NBEA: variants seen among roughly 807,000 people sequenced by gnomAD.
The protein encoded by NBEA is neurobeachin.
NBEA carries 44 observed loss-of-function variants against 343.4 expected under a neutral mutation model. The ratio of observed to expected loss-of-function variants is 0.13; its 90% CI spans 0.10 to 0.16. The LOEUF is 0.16. Ranked by LOEUF, NBEA falls within the 10% of genes least tolerant of loss-of-function variation. NBEA has a pLI of 1.00. For missense variants in NBEA, 2,555 were observed against 3,631.3 expected, an observed-to-expected ratio of 0.70 and a Z score of 7.62; for synonymous variants, 1,175 against 1,238.7, an observed-to-expected ratio of 0.95 and a Z score of 1.08.
At chr13:35,011,675 A>G (rs2061497705) in intron 1 of NBEA, among the ~76,000 whole-genome samples, 1 of 152,194 alleles carries the variant, frequency 6.6e-6, no homozygotes, top group African/African-American at 2.4e-5. Flanking sequence ...TCACATTTGA[A>G]CTACATAATG....
chr13:35,307,875 T>C (rs1046425833), intron 35 of NBEA, among the ~76,000 whole-genome samples: 3 of 152,078 alleles, frequency 2.0e-5, no homozygotes, highest in African/African-American at 7.2e-5. Flanking sequence ...AAATTTTCTG[T>C]AATTGTTTTA....
chr13:35,156,336 G>C (rs1325486350), intron 20 of NBEA, 130 bp downstream of exon 20: 2 of 879,580 alleles, frequency 2.3e-6, no homozygotes, highest in East Asian at 6.5e-5. Context: ...GGCATTTTAT[G>C]TTTCTTTGAC....
rs1461445782 is a variant in NBEA, at chr13:35,177,075, G to A, written c.4634G>A (p.Arg1545His). ...CTTCTTCAGGATGTTGATATCAATCGCCTTCGTGCTGTTGTCTTTCGGGAT... is the reference window on the plus strand; with the variant it reads ...CTTCTTCAGGATGTTGATATCAATCACCTTCGTGCTGTTGTCTTTCGGGAT... ...DRLLQDVDIN[R>H]LRAVVFRDVD... is the part of the protein sequence containing the mutation. Residue 1545 changes from arginine to histidine, a missense_variant, in exon 28 of 59, where the codon CGC becomes CAC. Arg to His is a conservative substitution (Grantham distance 29). Transcript: ENST00000379939. The A allele has an allele frequency of 5.6e-6, 9 of 1,602,150 alleles. No homozygotes were observed. Among genetic ancestry groups the A allele is most frequent in the East Asian group, 2.3e-5 (1 of 44,348 alleles).
intron 13 of NBEA, among the ~76,000 whole-genome samples, chr13:35,111,519 A>G (rs367968517): frequency 6.6e-6 from 1 of 152,012 alleles, no homozygotes; most frequent in South Asian, 2.1e-4. Flanking sequence ...TGATTTTGGC[A>G]TGTTTTCTTC....
At chr13:35,440,719 T>G (rs546951683) in intron 39 of NBEA, among the ~76,000 whole-genome samples, 1 of 152,302 alleles carries the variant, frequency 6.6e-6, no homozygotes, top group Admixed American at 6.5e-5. Context: ...AATTTTTATT[T>G]GGAAAATGAC....
At chr13:35,522,845 AC>A (rs1025431226) in intron 41 of NBEA, among the ~76,000 whole-genome samples, 1 of 132,968 alleles carries the variant, frequency 7.5e-6, no homozygotes, top group Non-Finnish European at 1.6e-5. Flanking sequence ...AGACCACCCC[AC>A]CCCCTCACCC....
In NBEA at chr13:35,452,159, A is replaced by G. The variant is rs575390024; in HGVS notation, c.6372A>G (p.Ala2124=). ...GTCAAGCAATAGTGAACCAAAATGC[A>G]GAGACAGAACTTATGCTGGAAGGAG... ...FRSQAIVNQN[A]ETELMLEGDD... is the part of the protein sequence containing the mutation. The change falls in exon 40 of 59, where the codon GCA becomes GCG. Residue 2124 remains alanine (A), a synonymous_variant. Coordinates refer to ENST00000379939, the MANE Select transcript of NBEA (RefSeq NM_001385012.1). The G allele has an allele frequency of 2.1e-5, 34 of 1,610,556 alleles. No homozygotes were observed. Among genetic ancestry groups the G allele is most frequent in the Non-Finnish European group, 2.9e-5 (34 of 1,177,928 alleles).
At chr13:35,293,173 G>A (rs1199112237) in intron 35 of NBEA, among the ~76,000 whole-genome samples, 1 of 151,864 alleles carries the variant, frequency 6.6e-6, no homozygotes, top group Admixed American at 6.6e-5. Context: ...GTGTCTGAAG[G>A]TACTTGTCAA....
chr13:34,992,897 A>G (rs1486394092), intron 1 of NBEA, among the ~76,000 whole-genome samples: 1 of 147,946 alleles, frequency 6.8e-6, no homozygotes, highest in East Asian at 2.0e-4. Flanking sequence ...ATTAGCCAGG[A>G]TGGTCTCGGT....
At chr13:35,168,877 TA>T in intron 24 of NBEA, 109 bp from the exon 25 acceptor site, 1 of 702,764 alleles carries the variant, frequency 1.4e-6, no homozygotes, top group Non-Finnish European at 2.0e-6. Flanking sequence ...ATATAATTTT[TA>T]AATATATTAT....
chr13:35,435,558 G>T (rs754348636), intron 39 of NBEA, among the ~76,000 whole-genome samples: 99 of 151,840 alleles, frequency 6.5e-4, no homozygotes, highest in Admixed American at 1.5e-3. Context: ...GGGTGGGGGG[G>T]GCGTGTAGAT....
At chr13:35,320,904 C>G (rs1017649660) in intron 36 of NBEA, among the ~76,000 whole-genome samples, 4 of 151,950 alleles carry the variant, frequency 2.6e-5, no homozygotes, top group Non-Finnish European at 5.9e-5. Context: ...CTTGTGTATG[C>G]TTCATGAAGT....
intron 38 of NBEA, among the ~76,000 whole-genome samples, chr13:35,355,644 CTTTG>C (rs1566020416): frequency 6.6e-6 from 1 of 152,008 alleles, no homozygotes; most frequent in African/African-American, 2.4e-5. Flanking sequence ...ATGGTTTAGT[CTTTG>C]TTTGTTAACT....
intron 38 of NBEA, among the ~76,000 whole-genome samples, chr13:35,399,082 C>A (rs2042879598): frequency 6.6e-6 from 1 of 152,110 alleles, no homozygotes; most frequent in Admixed American, 6.6e-5. Context: ...GAGATGGCTT[C>A]TTTCTTTAAA....
At chr13:35,587,079 ACATT>A (rs2081324544) in intron 46 of NBEA, among the ~76,000 whole-genome samples, 1 of 152,200 alleles carries the variant, frequency 6.6e-6, no homozygotes. Flanking sequence ...AACCAAAACT[ACATT>A]CTCAATCATT....
intron 34 of NBEA, among the ~76,000 whole-genome samples, chr13:35,250,102 G>T (rs1466931497): frequency 3.9e-5 from 6 of 152,094 alleles, no homozygotes; most frequent in Admixed American, 6.5e-5. Context: ...GTTTAATGGG[G>T]TATAGAGTTT....
At chr13:35,057,162 G>A (rs1422115720) in intron 7 of NBEA, among the ~76,000 whole-genome samples, 1 of 152,074 alleles carries the variant, frequency 6.6e-6, no homozygotes, top group Admixed American at 6.6e-5. Context: ...AACCCTTCAA[G>A]CATACCTGGT....
intron 38 of NBEA, among the ~76,000 whole-genome samples, chr13:35,368,871 A>G (rs116084744): frequency 0.011 from 1,662 of 151,786 alleles, 29 homozygotes; most frequent in African/African-American, 0.038. Context: ...AATCTAATAT[A>G]TATTAACTCA....
intron 38 of NBEA, among the ~76,000 whole-genome samples, chr13:35,379,207 C>T (rs1031130845): frequency 3.3e-5 from 5 of 152,074 alleles, no homozygotes; most frequent in African/African-American, 9.7e-5. Context: ...AGTTGCTCTG[C>T]ATTCTCTCCT....
Sources: allele counts gnomAD v4.1 joint callset (sites outside exome capture counted in the v4.1 genomes callset), GRCh38; gene constraint gnomAD v4.1.1; transcripts MANE v1.5; gene names NCBI Gene and HGNC (gene_info 2026-07-23, HGNC 2026-07-21).